The following CEP57 variants were observed in gnomAD, a reference collection of about 807,000 sequenced individuals.
CEP57 encodes centrosomal protein of 57 kDa.
CEP57 carries 40 observed loss-of-function variants against 68.0 expected under a neutral mutation model. The observed-to-expected ratio is 0.59, with a 90% confidence interval of 0.46 to 0.77. The LOEUF (loss-of-function observed/expected upper bound fraction) is 0.77. CEP57 is among the 30% of genes least tolerant of loss of function. CEP57 has a pLI of 0.00. For missense variants in CEP57, 606 were observed against 580.7 expected, an observed-to-expected ratio of 1.04 and a Z score of -0.45; for synonymous variants, 219 against 198.7, an observed-to-expected ratio of 1.10 and a Z score of -0.86.
chr11:95,790,362 G>T, upstream of CEP57: 3 of 438,258 alleles, frequency 6.8e-6, no homozygotes, highest in Non-Finnish European at 8.3e-6. Flanking sequence ...CTGTAACCCC[G>T]GCGTTGTCTG....
At position 95,791,220 on chromosome 11, in the gene CEP57, C is replaced by T. The variant is rs555792742; in HGVS notation, c.45+477C>T. Among the ~76,000 whole-genome samples the T allele has an allele frequency of 2.0e-4, 30 of 152,280 alleles. 1 individual carries two copies. Among genetic ancestry groups the T allele is most frequent in the African/African-American group, 6.7e-4 (28 of 41,544 alleles). On this transcript the variant is annotated intron_variant, in intron 1 of 10. Transcript: ENST00000325542. ...TATGCTGTTTCCTATCCCTGCAGTG[C>T]CTCCCACTCCCATCCACATTAACTT... is the stretch of plus-strand genomic sequence containing the variant.
chr11:95,802,700 C>G (rs570443651), intron 2 of CEP57, among the ~76,000 whole-genome samples: 1 of 152,310 alleles, frequency 6.6e-6, no homozygotes, highest in African/African-American at 2.4e-5. Context: ...TTTTACCCAA[C>G]ATTGCTTTTG....
chr11:95,814,748 T>C (rs1862229732), intron 4 of CEP57, among the ~76,000 whole-genome samples: 1 of 152,176 alleles, frequency 6.6e-6, no homozygotes, highest in East Asian at 1.9e-4. Flanking sequence ...ATCTTAACTC[T>C]ATTATAAAAT....
chr11:95,828,037 TG>T lies in CEP57; in HGVS notation c.1127+11del. ...TTGGGCAAATGAGCTTGTGAGTTTT[TG>T]TTTTTTTTTTTAAATTCAGTTTAGC... On this transcript the variant is annotated intron_variant, in intron 9 of 10. Transcript: ENST00000325542. 2 of 1,610,558 alleles carry T rather than the reference TG, an allele frequency of 1.2e-6. No homozygotes were observed. The highest frequency in any genetic ancestry group is 1.7e-5 in the Admixed American group (1 of 59,530).
intron 2 of CEP57, among the ~76,000 whole-genome samples, chr11:95,801,582 A>C (rs1248654881): frequency 6.6e-6 from 1 of 152,186 alleles, no homozygotes; most frequent in African/African-American, 2.4e-5. Flanking sequence ...AAAATCTAAG[A>C]ATTAGATATT....
chr11:95,793,174 A>G (rs1013524759), intron 1 of CEP57, among the ~76,000 whole-genome samples: 1 of 152,204 alleles, frequency 6.6e-6, no homozygotes, highest in Non-Finnish European at 1.5e-5. Context: ...AAGTAGGGCG[A>G]TAGGTTTCAG....
chr11:95,813,646 GAA>G, intron 4 of CEP57, 57 bp downstream of exon 4: 1 of 1,601,960 alleles, frequency 6.2e-7, no homozygotes, highest in Non-Finnish European at 8.5e-7. Context: ...AAAACTAATT[GAA>G]TAAAGACTTT....
chr11:95,797,792 G>C (rs1861413289), intron 1 of CEP57, among the ~76,000 whole-genome samples: 1 of 152,198 alleles, frequency 6.6e-6, no homozygotes, highest in South Asian at 2.1e-4. Flanking sequence ...TGGGGAACTA[G>C]TTTGTTAGTT....
At chr11:95,816,302 G>A (rs564632740) in intron 4 of CEP57, among the ~76,000 whole-genome samples, 2 of 152,246 alleles carry the variant, frequency 1.3e-5, no homozygotes, top group East Asian at 1.9e-4. Context: ...GAACCACCAC[G>A]ATGATCTAAT....
intron 2 of CEP57, among the ~76,000 whole-genome samples, chr11:95,809,492 A>T (rs1372714538): frequency 6.6e-6 from 1 of 152,214 alleles, no homozygotes; most frequent in Non-Finnish European, 1.5e-5. Flanking sequence ...AATCAAATAG[A>T]TGCAATAAAA....
At chr11:95,807,162 G>A (rs574359267) in intron 2 of CEP57, among the ~76,000 whole-genome samples, 1 of 152,262 alleles carries the variant, frequency 6.6e-6, no homozygotes, top group East Asian at 1.9e-4. Flanking sequence ...GGTCCTGACT[G>A]TTAGAAGGAA....
At chr11:95,807,706 A>G (rs1861868940) in intron 2 of CEP57, among the ~76,000 whole-genome samples, 1 of 152,258 alleles carries the variant, frequency 6.6e-6, no homozygotes, top group Admixed American at 6.5e-5. Flanking sequence ...CCTCCAAGAA[A>G]TATGGGACTA....
chr11:95,795,484 T>G lies in CEP57; in HGVS notation c.46-3748T>G, dbSNP rs141294928. Reference sequence around the variant, plus strand: ...AAATTGGGATTCTTCCTTTTCAATCTTAATAGCTGTTATTCTTTTTTTTTT... The same window carrying G: ...AAATTGGGATTCTTCCTTTTCAATCGTAATAGCTGTTATTCTTTTTTTTTT... On this transcript the variant is annotated intron_variant, in intron 1 of 10. Transcript: ENST00000325542. 7.2e-4 allele frequency: 310 copies of G among 431,356 alleles called. 2 individuals carry two copies. The East Asian group carries it at 0.011, about 15-fold the overall frequency. The allele number at this position is 431,356 out of a possible 1,614,324, so 26.7% of individuals were successfully genotyped here.
At chr11:95,795,060 C>T (rs143118176) in intron 1 of CEP57, among the ~76,000 whole-genome samples, 2,610 of 152,206 alleles carry the variant, frequency 0.017, 38 homozygotes, top group South Asian at 0.064. Context: ...GGTCATTTAC[C>T]TCCTTGTTAC....
At chr11:95,795,515 G>GT (rs1591043880) in intron 1 of CEP57, 3 of 458,570 alleles carry the variant, frequency 6.5e-6, no homozygotes, top group African/African-American at 6.5e-5. Context: ...TTTTTTCTTA[G>GT]TGTGCAGACT....
intron 4 of CEP57, among the ~76,000 whole-genome samples, chr11:95,817,224 G>A (rs1000495282): frequency 5.3e-5 from 8 of 151,722 alleles, no homozygotes; most frequent in African/African-American, 1.7e-4. Flanking sequence ...AAAATTAGCC[G>A]GGCGTGGTGG....
Position 95,813,536 on chromosome 11 carries a change from C to G in CEP57, c.451C>G (p.Arg151Gly), listed in dbSNP as rs771182933. The change falls in exon 4 of 11, where the codon CGA becomes GGA. Residue 151 changes from arginine (R) to glycine (G), a missense_variant. Coordinates refer to ENST00000325542, the MANE Select transcript of CEP57 (RefSeq NM_014679.5). ...NLLEKQLEYM[R>G]NMIKHAEMER... ...ATTAGAAAAACAATTGGAATACATG[C>G]GAAATATGATAAAGCATGCCGAAAT... is the stretch of plus-strand genomic sequence containing the variant. The G allele has an allele frequency of 6.2e-7, 1 of 1,612,982 alleles. No homozygotes were observed.
In CEP57 at chr11:95,831,731, TTGG is replaced by T. The variant is rs1590963282; in HGVS notation, c.*479_*481del. The T allele has an allele frequency of 1.3e-5, 2 of 152,262 alleles. No homozygotes were observed. Among genetic ancestry groups the T allele is most frequent in the Non-Finnish European group, 2.9e-5 (2 of 68,154 alleles). 9.4% of individuals were successfully genotyped at this position (152,262 alleles called of 1,614,324 possible). A position where few individuals can be genotyped will look rare whatever the true frequency, so the allele number is the denominator to read the frequency against. ...CATTAAACATACTTTGTTTCTACTATTGGTGGAGTTTTTCTATATTTAAAAATA... is the reference window on the plus strand; with the variant it reads ...CATTAAACATACTTTGTTTCTACTATTGGAGTTTTTCTATATTTAAAAATA... On this transcript the variant is annotated 3_prime_UTR_variant, in exon 11 of 11. Transcript: ENST00000325542.
At chr11:95,827,006 T>C (rs1237190307) in intron 8 of CEP57, 1 of 152,178 alleles carries the variant, frequency 6.6e-6, no homozygotes, top group Non-Finnish European at 1.5e-5. Flanking sequence ...AAAACACAAA[T>C]TTCCAAACCC....
Sources: allele counts gnomAD v4.1 joint callset (sites outside exome capture counted in the v4.1 genomes callset), GRCh38; gene constraint gnomAD v4.1.1; transcripts MANE v1.5; gene names NCBI Gene and HGNC (gene_info 2026-07-23, HGNC 2026-07-21).